The following NUDT3 variants were observed in gnomAD, a reference collection of about 807,000 sequenced individuals.
NUDT3 encodes nudix hydrolase 3, also known as diphosphoinositol polyphosphate phosphohydrolase 1.
In NUDT3, 9 loss-of-function variants were observed where a neutral mutation model predicts 23.6. That is an observed-to-expected ratio of 0.38 (90% CI 0.23 to 0.66). NUDT3 has a LOEUF of 0.66. Ranked by LOEUF, NUDT3 falls within the 30% of genes least tolerant of loss-of-function variation. The pLI is 0.52. For synonymous variants in NUDT3, 86 were observed against 82.6 expected (o/e 1.04, Z -0.22); for missense variants, 172 against 218.5 (o/e 0.79, Z 1.34).
intron 2 of NUDT3, among the ~76,000 whole-genome samples, chr6:34,319,404 G>C (rs1763907286): frequency 6.6e-6 from 1 of 152,174 alleles, no homozygotes; most frequent in Non-Finnish European, 1.5e-5. Flanking sequence ...TGCTAAAGCA[G>C]CTCACATAAC....
Position 34,282,791 on chromosome 6 carries a change from C to T in NUDT3, c.*5962G>A, listed in dbSNP as rs1033353381. The T allele has an allele frequency of 5.3e-5, 8 of 152,056 alleles. No individual in the cohort carries two copies. Among genetic ancestry groups the T allele is most frequent in the African/African-American group, 7.2e-5 (3 of 41,390 alleles). The allele number at this position is 152,056 out of a possible 1,614,324, so 9.4% of individuals were successfully genotyped here. ...AGCCTATATCCAGGGTTTTAAATGA[C>T]GCTTTTTTTGTGTGCTTCCTGATAG... is the stretch of plus-strand genomic sequence containing the variant. On this transcript the variant is annotated 3_prime_UTR_variant, in exon 5 of 5. Transcript: ENST00000607016.
At chr6:34,367,559 G>C (rs969982289) in intron 1 of NUDT3, among the ~76,000 whole-genome samples, 1 of 151,120 alleles carries the variant, frequency 6.6e-6, no homozygotes. Flanking sequence ...TGTCATGTAA[G>C]TAAATAAAAG....
intron 2 of NUDT3, among the ~76,000 whole-genome samples, chr6:34,297,760 A>ATATATATATATGTATTTTT (rs1763535832): frequency 3.7e-4 from 20 of 53,606 alleles, no homozygotes; most frequent in Admixed American, 5.2e-4. Flanking sequence ...TATATATATA[A>ATATATATATATGTATTTTT]TTTTTTTTTT....
chr6:34,356,337 T>C (rs565672482), intron 1 of NUDT3, among the ~76,000 whole-genome samples: 120 of 152,330 alleles, frequency 7.9e-4, no homozygotes, highest in Admixed American at 2.2e-3. Context: ...TATTCCCTTA[T>C]TATCCTTTCG....
chr6:34,372,803 T>G (rs1158651620), intron 1 of NUDT3, among the ~76,000 whole-genome samples: 3 of 151,726 alleles, frequency 2.0e-5, no homozygotes, highest in Non-Finnish European at 4.4e-5. Context: ...AAACTCCATC[T>G]TTAAAAAATA....
intron 4 of NUDT3, among the ~76,000 whole-genome samples, chr6:34,290,462 C>A (rs1175277943): frequency 6.9e-6 from 1 of 144,964 alleles, no homozygotes; most frequent in Admixed American, 7.0e-5. Context: ...CTCAAGTGAT[C>A]CTCCTGCCTT....
intron 1 of NUDT3, among the ~76,000 whole-genome samples, chr6:34,378,405 G>A (rs1039896083): frequency 2.0e-5 from 3 of 152,120 alleles, no homozygotes; most frequent in Admixed American, 2.0e-4. Context: ...CGTTTCTTCT[G>A]GTGCACTGGA....
chr6:34,292,360 C>G (rs1368810259), intron 4 of NUDT3, among the ~76,000 whole-genome samples: 2 of 152,114 alleles, frequency 1.3e-5, no homozygotes, highest in Non-Finnish European at 2.9e-5. Context: ...TATCTGTCTG[C>G]CAATTTGTAA....
intron 2 of NUDT3, among the ~76,000 whole-genome samples, chr6:34,340,304 CATA>C (rs963343575): frequency 1.3e-5 from 2 of 152,120 alleles, no homozygotes; most frequent in African/African-American, 2.4e-5. Flanking sequence ...CAGTAAGGGG[CATA>C]ATATTATTTT....
rs1194717763 is a variant in NUDT3, at chr6:34,392,407, G to A, written c.-45C>T. On this transcript the variant is annotated 5_prime_UTR_variant, in exon 1 of 5. Coordinates refer to ENST00000607016, the MANE Select transcript of NUDT3 (RefSeq NM_006703.4). ...GTGCGGTGCGGGTCGCAGGAGTCGA[G>A]GGGTGGGGAGCCCGCTCTGGACGGC... 26 of 1,491,490 alleles carry A rather than the reference G, an allele frequency of 1.7e-5. No homozygotes were observed. Among genetic ancestry groups the A allele is most frequent in the Admixed American group, 1.1e-4 (6 of 54,108 alleles). The allele number at this position is 1,491,490 out of a possible 1,614,324, so 92.4% of individuals were successfully genotyped here. A position where few individuals can be genotyped will look rare whatever the true frequency, so the allele number is the denominator to read the frequency against.
rs145793070 is a variant in NUDT3 at position 34,334,175 on chromosome 6, T to C, written c.210+7687A>G. 8.7e-4 allele frequency among the ~76,000 whole-genome samples: 133 copies of C among 152,370 alleles called. No individual in the cohort carries two copies. In the East Asian group the frequency reaches 0.011, roughly 12 times the overall value. On this transcript the variant is annotated intron_variant, in intron 2 of 4. Coordinates refer to ENST00000607016, the MANE Select transcript of NUDT3 (RefSeq NM_006703.4). The stretch of plus-strand genomic sequence containing the variant: ...CTGGGCAGTTGCTGTGACAATGTCA[T>C]GTTCTTCCTCACTTAACTGAGGCAT...
At chr6:34,334,016 G>C (rs1764168260) in intron 2 of NUDT3, among the ~76,000 whole-genome samples, 1 of 152,260 alleles carries the variant, frequency 6.6e-6, no homozygotes, top group South Asian at 2.1e-4. Context: ...CTCCGCAGTG[G>C]AAGAGGGGGG....
chr6:34,344,908 G>A (rs1292778306), intron 1 of NUDT3, among the ~76,000 whole-genome samples: 3 of 151,746 alleles, frequency 2.0e-5, no homozygotes, highest in African/African-American at 7.3e-5. Context: ...ACCTCGGCCT[G>A]CCAAAGTGCT....
chr6:34,361,832 A>G (rs1581890502), intron 1 of NUDT3, among the ~76,000 whole-genome samples: 2 of 152,232 alleles, frequency 1.3e-5, no homozygotes, highest in Non-Finnish European at 1.5e-5. Context: ...AAGACAGTAG[A>G]TCAGTGGTTG....
chr6:34,366,477 G>GAGGA (rs1554157828), intron 1 of NUDT3, among the ~76,000 whole-genome samples: 7 of 72,562 alleles, frequency 9.6e-5, no homozygotes, highest in Admixed American at 2.4e-4. Flanking sequence ...AGAGGGAAGG[G>GAGGA]AGGGAGGGAG....
At chr6:34,377,154 T>G (rs559521125) in intron 1 of NUDT3, among the ~76,000 whole-genome samples, 1 of 152,346 alleles carries the variant, frequency 6.6e-6, no homozygotes, top group Admixed American at 6.5e-5. Context: ...TCCCACTTTT[T>G]AAATTTTTGT....
At chr6:34,391,249 C>T (rs1454855367) in intron 1 of NUDT3, among the ~76,000 whole-genome samples, 1 of 152,184 alleles carries the variant, frequency 6.6e-6, no homozygotes, top group East Asian at 1.9e-4. Context: ...CACCATAGCC[C>T]ACTGCTGAAT....
intron 2 of NUDT3, among the ~76,000 whole-genome samples, chr6:34,333,895 T>C (rs1030219028): frequency 1.3e-5 from 2 of 152,218 alleles, no homozygotes; most frequent in Non-Finnish European, 2.9e-5. Flanking sequence ...GGTCCTCTCT[T>C]AGGAAGGCTG....
At chr6:34,352,032 A>C (rs1046954345) in intron 1 of NUDT3, among the ~76,000 whole-genome samples, 1 of 151,680 alleles carries the variant, frequency 6.6e-6, no homozygotes, top group Admixed American at 6.6e-5. Context: ...CTGTCTCCAC[A>C]AAAAAAACAA....
Sources: gnomAD v4.1 joint callset for allele counts (sites outside exome capture counted in the v4.1 genomes callset) on GRCh38, gnomAD v4.1.1 for gene constraint, MANE v1.5 for transcripts, NCBI Gene and HGNC (gene_info 2026-07-23, HGNC 2026-07-21) for gene names.